The following PARN variants were observed in gnomAD, a reference collection of about 807,000 sequenced individuals.
The protein encoded by PARN is poly(A)-specific ribonuclease PARN.
PARN carries 71 observed loss-of-function variants against 102.8 expected under a neutral mutation model. That is an observed-to-expected ratio of 0.69 (90% CI 0.57 to 0.84). The LOEUF is 0.84. Ranked by LOEUF, PARN falls within the 40% of genes least tolerant of loss-of-function variation. The probability of loss-of-function intolerance (pLI) is 0.00; values close to 1 mark genes in which losing one functional copy is unlikely to be tolerated. For synonymous variants in PARN, 261 were observed against 252.9 expected, an observed-to-expected ratio of 1.03 and a Z score of -0.30; for missense variants, 782 against 760.9, an observed-to-expected ratio of 1.03 and a Z score of -0.33.
At chr16:14,622,280 T>C (rs1972357303) in intron 5 of PARN, among the ~76,000 whole-genome samples, 1 of 152,222 alleles carries the variant, frequency 6.6e-6, no homozygotes, top group Non-Finnish European at 1.5e-5. Context: ...GCATATATCC[T>C]ATGTCTCAAC....
At chr16:14,467,002 C>T (rs1393984191) in intron 22 of PARN, among the ~76,000 whole-genome samples, 2 of 152,154 alleles carry the variant, frequency 1.3e-5, no homozygotes, top group Non-Finnish European at 2.9e-5. Context: ...TGGAAGGATC[C>T]ACCTACTCCT....
chr16:14,613,165 C>T (rs1188015077), intron 6 of PARN, among the ~76,000 whole-genome samples: 6 of 151,598 alleles, frequency 4.0e-5, no homozygotes, highest in Non-Finnish European at 7.4e-5. Flanking sequence ...CAAAATTAGC[C>T]GGGCGTGGTG....
intron 22 of PARN, among the ~76,000 whole-genome samples, chr16:14,449,831 T>C (rs747967636): frequency 1.2e-4 from 19 of 152,164 alleles, no homozygotes; most frequent in South Asian, 6.2e-4. Context: ...TTCAAAAGCT[T>C]GATAATATAC....
intron 21 of PARN, among the ~76,000 whole-genome samples, chr16:14,501,371 G>A (rs551158082): frequency 2.2e-5 from 3 of 134,164 alleles, no homozygotes; most frequent in East Asian, 4.6e-4. Context: ...TACTTGGGAC[G>A]CTGAGGTGGG....
intron 21 of PARN, among the ~76,000 whole-genome samples, chr16:14,551,343 C>T (rs952304805): frequency 2.0e-5 from 3 of 151,906 alleles, no homozygotes; most frequent in Non-Finnish European, 4.4e-5. Flanking sequence ...CCGAGGCAGG[C>T]AGATCACCTG....
At chr16:14,561,121 C>T (rs1968030079) in intron 18 of PARN, among the ~76,000 whole-genome samples, 1 of 146,886 alleles carries the variant, frequency 6.8e-6, no homozygotes, top group South Asian at 2.1e-4. Flanking sequence ...TGCACTGCTG[C>T]ACTCCAGCCT....
At chr16:14,605,334 CTG>C (rs764229417) in intron 10 of PARN, among the ~76,000 whole-genome samples, 30 of 152,332 alleles carry the variant, frequency 2.0e-4, no homozygotes, top group Non-Finnish European at 3.8e-4. Context: ...AATTTTGTCT[CTG>C]TGTTTCCATG....
intron 21 of PARN, among the ~76,000 whole-genome samples, chr16:14,490,620 T>A (rs529428037): frequency 6.6e-6 from 1 of 152,286 alleles, no homozygotes; most frequent in Admixed American, 6.5e-5. Flanking sequence ...AGACGCCCTC[T>A]CTGACACCCT....
chr16:14,457,427 T>C (rs1297429868), intron 22 of PARN, among the ~76,000 whole-genome samples: 4 of 152,300 alleles, frequency 2.6e-5, no homozygotes, highest in Middle Eastern at 3.4e-3. Flanking sequence ...GGGGAGGATG[T>C]TGGACAACCT....
intron 13 of PARN, among the ~76,000 whole-genome samples, chr16:14,589,585 G>C (rs1970047661): frequency 1.3e-5 from 2 of 151,670 alleles, no homozygotes; most frequent in Admixed American, 6.6e-5. Flanking sequence ...AAAAAAAATG[G>C]CCGGGCATAA....
rs868343765 is a variant in PARN, at chr16:14,566,051, G to C, written c.1263-10342C>G. Among the ~76,000 whole-genome samples, 6 of 152,188 alleles carry C rather than the reference G, an allele frequency of 3.9e-5. No homozygotes were observed. The South Asian group carries it at 8.3e-4, about 21-fold the overall frequency. On this transcript the variant is annotated intron_variant, in intron 18 of 23. Transcript: ENST00000437198. ...TGCTCCAAGCCAGGACCAATGCAAG[G>C]CTGGAAATAGCTAAGAATGCTGACT...
At chr16:14,511,748 T>C (rs1466300791) in intron 21 of PARN, among the ~76,000 whole-genome samples, 2 of 152,196 alleles carry the variant, frequency 1.3e-5, no homozygotes, top group Non-Finnish European at 2.9e-5. Flanking sequence ...TCACCCAGTC[T>C]GGAGTAGAGT....
At chr16:14,451,867 TACAAAAAAAAAAAAAAAAAAAAAAA>T (rs1961467336) in intron 22 of PARN, among the ~76,000 whole-genome samples, 1 of 23,744 alleles carries the variant, frequency 4.2e-5, no homozygotes. Flanking sequence ...AAAAAAAAAA[TACAAAAAAAAAAAAAAAAAAAAAAA>T]TACAAAAAAT....
intron 21 of PARN, among the ~76,000 whole-genome samples, chr16:14,530,134 T>G (rs981575175): frequency 7.9e-5 from 12 of 152,142 alleles, no homozygotes; most frequent in Non-Finnish European, 5.9e-5. Context: ...CCAAGCAAGG[T>G]GGACAGAGAG....
At chr16:14,467,551 T>C (rs973238488) in intron 22 of PARN, among the ~76,000 whole-genome samples, 2 of 152,252 alleles carry the variant, frequency 1.3e-5, no homozygotes, top group Non-Finnish European at 2.9e-5. Flanking sequence ...TGACACCTAA[T>C]GTAATACTCA....
intron 22 of PARN, among the ~76,000 whole-genome samples, chr16:14,463,226 G>A (rs533024140): frequency 6.6e-6 from 1 of 152,208 alleles, no homozygotes; most frequent in East Asian, 1.9e-4. Context: ...AACTACAAAA[G>A]TAAGACCTGA....
chr16:14,593,952 G>T (rs573083209), intron 12 of PARN, among the ~76,000 whole-genome samples: 13 of 151,702 alleles, frequency 8.6e-5, no homozygotes, highest in African/African-American at 3.1e-4. Flanking sequence ...AGCCAAGATT[G>T]CACCACTGCA....
chr16:14,584,785 C>A lies in PARN; in HGVS notation c.969G>T (p.Leu323Phe). 6.4e-7 allele frequency: 1 copy of A among 1,550,932 alleles called. No individual in the cohort carries two copies. The highest frequency in any genetic ancestry group is 1.4e-5 in the African/African-American group (1 of 71,544). Residue 323 changes from leucine to phenylalanine, a missense_variant, in exon 15 of 24, where the codon TTG (leucine) becomes TTT (phenylalanine). By Grantham distance (22) the Leu-to-Phe change is conservative. Coordinates refer to ENST00000437198, the MANE Select transcript of PARN (RefSeq NM_002582.4). ...EMTTCVFPRL[L>F]DTKLMASTQP... Reference sequence around the variant, plus strand: ...GTGTGCTGGCCATCAATTTAGTATCCAAGAGTCTAAAAAGAATTTTTAACA... The same window carrying A: ...GTGTGCTGGCCATCAATTTAGTATCAAAGAGTCTAAAAAGAATTTTTAACA...
intron 14 of PARN, among the ~76,000 whole-genome samples, chr16:14,585,694 A>G (rs1464374300): frequency 6.6e-6 from 1 of 152,214 alleles, no homozygotes; most frequent in African/African-American, 2.4e-5. Context: ...GGACACTTCA[A>G]TAGTTACAAG....
Sources: allele counts gnomAD v4.1 joint callset (sites outside exome capture counted in the v4.1 genomes callset), GRCh38; gene constraint gnomAD v4.1.1; transcripts MANE v1.5; gene names NCBI Gene and HGNC (gene_info 2026-07-23, HGNC 2026-07-21).